Variants in ADGRL3 observed in about 807,000 individuals in gnomAD.
ADGRL3 encodes adhesion G protein-coupled receptor L3, also known as calcium-independent alpha-latrotoxin receptor 3.
A neutral mutation model predicts 153.5 loss-of-function variants in ADGRL3; 62 were observed. That is an observed-to-expected ratio of 0.40 (90% CI 0.33 to 0.50). ADGRL3 has a LOEUF of 0.50. Ranked by LOEUF, ADGRL3 falls within the 20% of genes least tolerant of loss-of-function variation. ADGRL3 has a pLI of 0.47. For missense variants in ADGRL3, 1,641 were observed against 1,859.4 expected (o/e 0.88, Z 2.16); for synonymous variants, 710 against 672.5 (o/e 1.06, Z -0.86).
chr4:61,342,234 T>C lies in ADGRL3; in HGVS notation c.-239-40890T>C, dbSNP rs994436756. Among the ~76,000 whole-genome samples, 5 of 152,170 alleles carry C rather than the reference T, an allele frequency of 3.3e-5. No homozygotes were observed. The East Asian group carries it at 9.6e-4, about 29-fold the overall frequency. The stretch of plus-strand genomic sequence containing the variant: ...CTCCTTATGTGTATAGGCATTTCTC[T>C]AGTTTTGGCTTAAAGTTACAACTTG... On this transcript the variant is annotated intron_variant, in intron 1 of 26. Coordinates refer to ENST00000683033, the MANE Select transcript of ADGRL3 (RefSeq NM_001387552.1).
At chr4:61,369,112 G>A (rs1472921705) in intron 1 of ADGRL3, among the ~76,000 whole-genome samples, 1 of 152,146 alleles carries the variant, frequency 6.6e-6, no homozygotes, top group Non-Finnish European at 1.5e-5. Context: ...TTGCTTATCA[G>A]CTTAAGGAGA....
At chr4:61,613,848 A>G (rs2091683169) in intron 5 of ADGRL3, among the ~76,000 whole-genome samples, 1 of 152,188 alleles carries the variant, frequency 6.6e-6, no homozygotes, top group African/African-American at 2.4e-5. Context: ...TATATCACCT[A>G]TAAAAATGAA....
At chr4:61,901,425 T>C (rs532952928) in intron 11 of ADGRL3, among the ~76,000 whole-genome samples, 3 of 152,360 alleles carry the variant, frequency 2.0e-5, no homozygotes, top group East Asian at 3.9e-4. Context: ...CTGTCTCCTA[T>C]ATCTTAAATT....
chr4:61,364,088 T>A (rs962900394), intron 1 of ADGRL3, among the ~76,000 whole-genome samples: 1 of 151,956 alleles, frequency 6.6e-6, no homozygotes, highest in Non-Finnish European at 1.5e-5. Context: ...TCTCAGCACC[T>A]TGGGAGGCCA....
At chr4:61,471,003 C>A (rs1317236978) in intron 2 of ADGRL3, among the ~76,000 whole-genome samples, 2 of 151,808 alleles carry the variant, frequency 1.3e-5, no homozygotes, top group Non-Finnish European at 2.9e-5. Flanking sequence ...GACTTAAATA[C>A]AGTATATATT....
At chr4:62,020,333 C>A (rs1222426079) in intron 21 of ADGRL3, among the ~76,000 whole-genome samples, 1 of 152,060 alleles carries the variant, frequency 6.6e-6, no homozygotes, top group Non-Finnish European at 1.5e-5. Flanking sequence ...GTAATACAGT[C>A]CTTAAAGTAC....
intron 9 of ADGRL3, among the ~76,000 whole-genome samples, chr4:61,837,836 C>T (rs528159120): frequency 6.6e-6 from 1 of 152,148 alleles, no homozygotes; most frequent in East Asian, 1.9e-4. Context: ...AACAATTACA[C>T]GCTGTTGTCA....
intron 2 of ADGRL3, among the ~76,000 whole-genome samples, chr4:61,452,913 A>C (rs1251748765): frequency 3.3e-5 from 5 of 152,188 alleles, no homozygotes; most frequent in Non-Finnish European, 7.4e-5. Flanking sequence ...AATATTGTAT[A>C]GACTAGTTAG....
chr4:61,534,597 TA>T (rs2098643731), intron 4 of ADGRL3, among the ~76,000 whole-genome samples: 1 of 152,148 alleles, frequency 6.6e-6, no homozygotes, highest in South Asian at 2.1e-4. Flanking sequence ...TTGGTTTATG[TA>T]ATCTACAATT....
At position 61,321,511 on chromosome 4, in the gene ADGRL3, T is replaced by C. The variant is rs193235974; in HGVS notation, c.-239-61613T>C. On this transcript the variant is annotated intron_variant, in intron 1 of 26. Transcript: ENST00000683033. ...TTGCTTAATTATAGGGTTGGGGATA[T>C]ATTCTGAGGCACGGGTCCTGAAGCG... is the stretch of plus-strand genomic sequence containing the variant. Among the ~76,000 whole-genome samples, 3 of 151,786 alleles carry C rather than the reference T, an allele frequency of 2.0e-5. No individual in the cohort carries two copies. The East Asian group carries it at 5.8e-4, about 29-fold the overall frequency.
At chr4:61,581,357 G>T (rs541099312) in intron 4 of ADGRL3, among the ~76,000 whole-genome samples, 75 of 151,802 alleles carry the variant, frequency 4.9e-4, no homozygotes, top group African/African-American at 1.7e-3. Flanking sequence ...TGTCTCATTA[G>T]CATCTTAAAT....
At chr4:61,689,517 C>T (rs530593633) in intron 6 of ADGRL3, among the ~76,000 whole-genome samples, 13 of 152,224 alleles carry the variant, frequency 8.5e-5, no homozygotes, top group African/African-American at 2.9e-4. Flanking sequence ...CTCTTAACAG[C>T]CATTTGACTT....
chr4:61,761,522 G>T (rs1166812147), intron 8 of ADGRL3, among the ~76,000 whole-genome samples: 1 of 152,138 alleles, frequency 6.6e-6, no homozygotes, highest in Non-Finnish European at 1.5e-5. Flanking sequence ...GCCAGGCATG[G>T]GTGGCTCATG....
chr4:62,044,416 A>G (rs1730009065), intron 24 of ADGRL3, 37 bp from the exon 25 acceptor site: 1 of 1,298,286 alleles, frequency 7.7e-7, no homozygotes, highest in Non-Finnish European at 1.1e-6. Flanking sequence ...TCACTGCATC[A>G]TGAGTTCATT....
At chr4:61,700,284 G>A (rs532221463) in intron 6 of ADGRL3, among the ~76,000 whole-genome samples, 1 of 132,036 alleles carries the variant, frequency 7.6e-6, no homozygotes, top group African/African-American at 2.9e-5. Flanking sequence ...CTGGCTTGTT[G>A]CCCTAAGTTT....
chr4:61,634,540 GA>G (rs1354448503), intron 5 of ADGRL3, among the ~76,000 whole-genome samples: 1 of 151,922 alleles, frequency 6.6e-6, no homozygotes, highest in Non-Finnish European at 1.5e-5. Context: ...TGTTAGCTAT[GA>G]AAAAAATAAG....
chr4:61,986,296 A>G (rs1265913929), intron 19 of ADGRL3, among the ~76,000 whole-genome samples: 1 of 152,184 alleles, frequency 6.6e-6, no homozygotes, highest in Non-Finnish European at 1.5e-5. Flanking sequence ...GAAGTTCCAA[A>G]TTACATTTTT....
At chr4:61,718,347 T>A (rs1430030429) in intron 6 of ADGRL3, among the ~76,000 whole-genome samples, 1 of 152,176 alleles carries the variant, frequency 6.6e-6, no homozygotes, top group Non-Finnish European at 1.5e-5. Context: ...ATTTAATAAA[T>A]TGAAAATACT....
intron 25 of ADGRL3, among the ~76,000 whole-genome samples, chr4:62,046,151 A>G (rs183419924): frequency 0.011 from 1,648 of 151,984 alleles, 27 homozygotes; most frequent in Non-Finnish European, 0.016. Flanking sequence ...CCTTACCTAT[A>G]GGATTTATTG....
Sources: allele counts gnomAD v4.1 joint callset (sites outside exome capture counted in the v4.1 genomes callset), GRCh38; gene constraint gnomAD v4.1.1; transcripts MANE v1.5; gene names NCBI Gene and HGNC (gene_info 2026-07-23, HGNC 2026-07-21).